The following AFG1L variants were observed in gnomAD, a reference collection of about 807,000 sequenced individuals.
AFG1L encodes AFG1 like ATPase, also known as AFG1-like ATPase.
Under a neutral mutation model 62.2 loss-of-function variants are expected in AFG1L, and 53 were observed. The observed-to-expected ratio is 0.85, with a 90% CI of 0.68 to 1.07. AFG1L has a LOEUF of 1.07. Among genes scored for constraint, AFG1L ranks in the 50% least tolerant of loss-of-function variants. The probability of loss-of-function intolerance (pLI) is 0.00; values close to 1 mark genes in which losing one functional copy is unlikely to be tolerated. For missense variants in AFG1L, 555 were observed against 590.5 expected (o/e 0.94, Z 0.62); for synonymous variants, 228 against 210.3 (o/e 1.08, Z -0.73).
At chr6:108,328,568 G>A (rs929992833) in intron 2 of AFG1L, among the ~76,000 whole-genome samples, 8 of 150,764 alleles carry the variant, frequency 5.3e-5, no homozygotes, top group African/African-American at 4.9e-5. Context: ...CTAATTTTTT[G>A]TATTTTTTTT....
chr6:108,497,705 A>G (rs1043536087), intron 10 of AFG1L, among the ~76,000 whole-genome samples: 1 of 152,310 alleles, frequency 6.6e-6, no homozygotes, highest in Non-Finnish European at 1.5e-5. Context: ...CATAAAATAA[A>G]TGATGATATA....
chr6:108,521,987 A>G (rs1775143391), intron 12 of AFG1L: 1 of 222,128 alleles, frequency 4.5e-6, no homozygotes, highest in Non-Finnish European at 9.2e-6. Flanking sequence ...CTGGAGGCCT[A>G]CACCAGCCTC....
chr6:108,476,875 G>C lies in AFG1L; in HGVS notation c.901G>C (p.Ala301Pro). 6.2e-7 allele frequency: 1 copy of C among 1,613,110 alleles called. No homozygotes were observed. Among genetic ancestry groups the C allele is most frequent in the East Asian group, 2.2e-5 (1 of 44,862 alleles). The change falls in exon 9 of 13, where the codon GCT (alanine) becomes CCT (proline). Residue 301 changes from alanine to proline, a missense_variant. Coordinates refer to ENST00000368977, the MANE Select transcript of AFG1L (RefSeq NM_145315.5). ...AGKLYYLTSE[A>P]DVEAVMDKLF... Reference sequence around the variant, plus strand: ...TTCTTTTCACTGTAGCACAAGTGAAGCTGATGTGGAGGCTGTCATGGATAA... The same window carrying C: ...TTCTTTTCACTGTAGCACAAGTGAACCTGATGTGGAGGCTGTCATGGATAA...
chr6:108,495,413 A>C (rs373828001), intron 10 of AFG1L, among the ~76,000 whole-genome samples: 1 of 152,204 alleles, frequency 6.6e-6, no homozygotes, highest in Non-Finnish European at 1.5e-5. Flanking sequence ...TTCAGCTGAA[A>C]TAATGGTAGC....
intron 1 of AFG1L, among the ~76,000 whole-genome samples, chr6:108,306,075 T>G (rs1335787531): frequency 6.6e-6 from 1 of 152,180 alleles, no homozygotes; most frequent in African/African-American, 2.4e-5. Flanking sequence ...GGCTAATTTT[T>G]GTATTTTTAG....
At chr6:108,471,931 A>C (rs761481544) in intron 8 of AFG1L, among the ~76,000 whole-genome samples, 11 of 152,218 alleles carry the variant, frequency 7.2e-5, no homozygotes, top group Non-Finnish European at 1.2e-4. Context: ...TTATGTTAAA[A>C]AGTATCTAAG....
chr6:108,495,725 A>G (rs1034224432), intron 10 of AFG1L, among the ~76,000 whole-genome samples: 1 of 152,228 alleles, frequency 6.6e-6, no homozygotes, highest in African/African-American at 2.4e-5. Flanking sequence ...AGGAAAACAA[A>G]TACTCTTTGC....
At chr6:108,501,463 A>C (rs962346855) in intron 10 of AFG1L, among the ~76,000 whole-genome samples, 3 of 152,210 alleles carry the variant, frequency 2.0e-5, no homozygotes, top group African/African-American at 7.2e-5. Context: ...GGATAGGCTA[A>C]CTGCTGCAAC....
At chr6:108,406,087 G>A (rs1742231795) in intron 7 of AFG1L, among the ~76,000 whole-genome samples, 2 of 152,180 alleles carry the variant, frequency 1.3e-5, no homozygotes, top group East Asian at 1.9e-4. Context: ...TTGCTGCTTC[G>A]AACATTTGTG....
intron 1 of AFG1L, among the ~76,000 whole-genome samples, chr6:108,300,819 C>T (rs1776966718): frequency 6.6e-6 from 1 of 151,944 alleles, no homozygotes; most frequent in Non-Finnish European, 1.5e-5. Flanking sequence ...ACTACAGGCG[C>T]ACGCCATCAC....
chr6:108,506,203 C>T (rs1774414075), intron 10 of AFG1L, among the ~76,000 whole-genome samples: 3 of 151,982 alleles, frequency 2.0e-5, no homozygotes, highest in South Asian at 4.2e-4. Flanking sequence ...TGCACATCCT[C>T]CCATATTTTT....
At chr6:108,353,385 G>A (rs1165249810) in intron 3 of AFG1L, among the ~76,000 whole-genome samples, 1 of 151,952 alleles carries the variant, frequency 6.6e-6, no homozygotes, top group East Asian at 1.9e-4. Flanking sequence ...TGAACTCCTA[G>A]GCTCAAGCAA....
At chr6:108,303,988 A>G (rs1777108010) in intron 1 of AFG1L, among the ~76,000 whole-genome samples, 1 of 152,222 alleles carries the variant, frequency 6.6e-6, no homozygotes, top group Non-Finnish European at 1.5e-5. Flanking sequence ...CTGATTTGTT[A>G]TCATGAAATT....
At chr6:108,412,440 A>G (rs531019077) in intron 7 of AFG1L, among the ~76,000 whole-genome samples, 52 of 152,302 alleles carry the variant, frequency 3.4e-4, no homozygotes, top group Non-Finnish European at 5.9e-4. Flanking sequence ...CCTCGAGAAG[A>G]GCAACTCCAA....
chr6:108,368,045 A>G (rs950186421), intron 6 of AFG1L, among the ~76,000 whole-genome samples: 20 of 152,062 alleles, frequency 1.3e-4, no homozygotes, highest in Admixed American at 1.3e-3. Flanking sequence ...CTGTGAAACT[A>G]GGTCTCTCTC....
At chr6:108,477,810 G>GA (rs1175186821) in intron 10 of AFG1L, among the ~76,000 whole-genome samples, 6 of 152,070 alleles carry the variant, frequency 3.9e-5, no homozygotes, top group Non-Finnish European at 5.9e-5. Flanking sequence ...GTTCAACAGA[G>GA]AAAAAATGTT....
chr6:108,474,434 GT>G (rs1272423381), intron 8 of AFG1L, among the ~76,000 whole-genome samples: 1 of 152,106 alleles, frequency 6.6e-6, no homozygotes, highest in Non-Finnish European at 1.5e-5. Context: ...GGTATTTCTG[GT>G]TCTAGATCCT....
chr6:108,429,600 T>G (rs1032370662), intron 7 of AFG1L, among the ~76,000 whole-genome samples: 1 of 152,182 alleles, frequency 6.6e-6, no homozygotes, highest in Non-Finnish European at 1.5e-5. Flanking sequence ...TTTGGCTTTA[T>G]TTTTGGGTTC....
At chr6:108,416,932 T>C (rs1180609055) in intron 7 of AFG1L, among the ~76,000 whole-genome samples, 1 of 151,084 alleles carries the variant, frequency 6.6e-6, no homozygotes, top group Non-Finnish European at 1.5e-5. Context: ...ATAATAATAA[T>C]AAATAAATAA....
Sources: allele counts gnomAD v4.1 joint callset (sites outside exome capture counted in the v4.1 genomes callset), GRCh38; gene constraint gnomAD v4.1.1; transcripts MANE v1.5; gene names NCBI Gene and HGNC (gene_info 2026-07-23, HGNC 2026-07-21).